Variants in TTC7A observed in about 807,000 individuals in gnomAD.
The protein encoded by TTC7A is tetratricopeptide repeat protein 7A.
In TTC7A, 110 loss-of-function variants were observed where a neutral mutation model predicts 103.7. The observed-to-expected ratio is 1.06, with a 90% CI of 0.91 to 1.24. The LOEUF is 1.24. TTC7A is among the 50% of genes most tolerant of loss of function. The pLI, the probability that TTC7A is intolerant of heterozygous loss-of-function variation, is 0.00. For synonymous variants in TTC7A, 521 were observed against 467.9 expected, an observed-to-expected ratio of 1.11 and a Z score of -1.47; for missense variants, 1,340 against 1,116.3, an observed-to-expected ratio of 1.20 and a Z score of -2.86.
At chr2:47,056,287 A>G (rs1257100892) in intron 18 of TTC7A, among the ~76,000 whole-genome samples, 3 of 152,242 alleles carry the variant, frequency 2.0e-5, no homozygotes, top group Non-Finnish European at 4.4e-5. Flanking sequence ...TGGGTCACCC[A>G]AATGGCCCCC....
intron 2 of TTC7A, among the ~76,000 whole-genome samples, chr2:46,925,154 C>G (rs1669321629): frequency 1.3e-5 from 2 of 152,152 alleles, no homozygotes; most frequent in South Asian, 4.1e-4. Context: ...GGTTGTCTGG[C>G]TATGTTCCCC....
chr2:46,977,600 C>G (rs999408281), intron 4 of TTC7A, among the ~76,000 whole-genome samples: 3 of 152,120 alleles, frequency 2.0e-5, no homozygotes, highest in Non-Finnish European at 4.4e-5. Context: ...CAGTACGGTG[C>G]CTGGCATATA....
intron 2 of TTC7A, among the ~76,000 whole-genome samples, chr2:46,917,723 C>T (rs6758093): frequency 0.13 from 19,057 of 152,174 alleles, 1,731 homozygotes; most frequent in African/African-American, 0.25. Context: ...CACCATACCA[C>T]TGAAACTGCA....
intron 3 of TTC7A, among the ~76,000 whole-genome samples, chr2:46,970,510 G>A (rs1040461702): frequency 2.0e-5 from 3 of 152,358 alleles, no homozygotes; most frequent in East Asian, 1.9e-4. Context: ...TGCTGGACCC[G>A]GAGGTGTGGC....
At chr2:47,031,201 G>A (rs1377216434) in intron 15 of TTC7A, among the ~76,000 whole-genome samples, 2 of 151,862 alleles carry the variant, frequency 1.3e-5, no homozygotes, top group African/African-American at 4.8e-5. Context: ...CCGCAAAGGC[G>A]AGTAGCTTAG....
At chr2:47,032,725 C>T (rs1172732156) in intron 15 of TTC7A, among the ~76,000 whole-genome samples, 2 of 151,754 alleles carry the variant, frequency 1.3e-5, no homozygotes, top group Non-Finnish European at 2.9e-5. Flanking sequence ...ACCATGAGCT[C>T]CTCACCTCCA....
At chr2:46,919,381 A>G (rs920994705) in intron 2 of TTC7A, among the ~76,000 whole-genome samples, 1 of 152,142 alleles carries the variant, frequency 6.6e-6, no homozygotes, top group Non-Finnish European at 1.5e-5. Context: ...TAAAAATACA[A>G]AATTAGCTGG....
chr2:46,930,790 G>A (rs150117757), intron 2 of TTC7A, among the ~76,000 whole-genome samples: 241 of 152,182 alleles, frequency 1.6e-3, no homozygotes, highest in African/African-American at 5.4e-3. Context: ...GTGAGCCACC[G>A]CACCCAGCCT....
intron 3 of TTC7A, among the ~76,000 whole-genome samples, chr2:46,966,108 C>G (rs1351965374): frequency 6.6e-6 from 1 of 152,066 alleles, no homozygotes; most frequent in Non-Finnish European, 1.5e-5. Context: ...CGCCACCACG[C>G]CTGGCTAATT....
Position 47,028,781 on chromosome 2 carries a change from C to T in TTC7A, c.1642-443C>T, listed in dbSNP as rs78439682. Among the ~76,000 whole-genome samples, 1,365 of 152,340 alleles carry T rather than the reference C, an allele frequency of 9.0e-3. 50 individuals carry two copies. Among genetic ancestry groups the T allele is most frequent in the East Asian group, 0.064 (333 of 5,186 alleles). ...CTGTGCCCACATTAGAGGCCAGTCT[C>T]CCCATCTTCTAGGCACTTGCCTCTG... is the stretch of plus-strand genomic sequence containing the variant. On this transcript the variant is annotated intron_variant, in intron 14 of 19. Transcript: ENST00000319190.
intron 8 of TTC7A, chr2:46,999,740 C>A: frequency 2.0e-6 from 2 of 985,456 alleles, no homozygotes; most frequent in South Asian, 4.7e-5. Context: ...ATACAGGAAT[C>A]TTTCTTATTT....
intron 5 of TTC7A, 65 bp downstream of exon 5, chr2:46,978,972 C>A: frequency 8.8e-7 from 1 of 1,141,500 alleles, no homozygotes; most frequent in Non-Finnish European, 1.3e-6. Flanking sequence ...TTGACGTGGC[C>A]TTAAGGCTGC....
At chr2:47,012,696 C>T (rs187549632) in intron 11 of TTC7A, among the ~76,000 whole-genome samples, 1 of 152,340 alleles carries the variant, frequency 6.6e-6, no homozygotes. Context: ...GAAACTGGCC[C>T]CATCCCTCTG....
chr2:47,042,702 G>GTGTGTGTGTGTATATATA (rs111460716), intron 15 of TTC7A, among the ~76,000 whole-genome samples: 1 of 142,636 alleles, frequency 7.0e-6, no homozygotes, highest in Non-Finnish European at 1.5e-5. Context: ...GTGTGTGTGT[G>GTGTGTGTGTGTATATATA]TATATATATG....
chr2:46,944,374 G>GTTTTTTTTT (rs34191565), intron 1 of TTC7A, among the ~76,000 whole-genome samples: 17 of 88,958 alleles, frequency 1.9e-4, no homozygotes, highest in African/African-American at 5.4e-4. Flanking sequence ...GGTATTTTGG[G>GTTTTTTTTT]TTTTTTTTTT....
intron 5 of TTC7A, among the ~76,000 whole-genome samples, chr2:46,991,445 G>A (rs935896224): frequency 1.3e-5 from 2 of 152,008 alleles, no homozygotes; most frequent in African/African-American, 4.8e-5. Flanking sequence ...ACCAGGCTGG[G>A]CAACATAGCA....
chr2:46,959,042 A>G (rs1389173423), intron 3 of TTC7A, among the ~76,000 whole-genome samples: 3 of 152,180 alleles, frequency 2.0e-5, no homozygotes, highest in Non-Finnish European at 4.4e-5. Flanking sequence ...GGTTGGAAGA[A>G]GTGAGGTGAC....
rs17480869 is a variant in TTC7A at position 46,993,483 on chromosome 2, G to A, written c.798G>A (p.Glu266=). 260,739 of 1,613,748 alleles carry A rather than the reference G, an allele frequency of 0.16. 22,399 individuals are homozygous for A. The highest frequency in any genetic ancestry group is 0.22 in the Middle Eastern group (1,323 of 6,056). The change falls in exon 6 of 20, where the codon GAG becomes GAA. Residue 266 remains glutamate, a synonymous_variant. Transcript: ENST00000319190. ...NIVKGMRELR[E]VLRTVETKAT... ...TGAAGGGCATGAGAGAGCTCCGGGA[G>A]GTGCTGCGGACTGTGGAGACCAAAG...
intron 1 of TTC7A, among the ~76,000 whole-genome samples, chr2:46,949,662 T>G (rs1329211266): frequency 6.6e-6 from 1 of 152,216 alleles, no homozygotes; most frequent in African/African-American, 2.4e-5. Context: ...GGATTTGCCT[T>G]GGCAACAAGT....
Sources: allele counts gnomAD v4.1 joint callset (sites outside exome capture counted in the v4.1 genomes callset), GRCh38; gene constraint gnomAD v4.1.1; transcripts MANE v1.5; gene names NCBI Gene and HGNC (gene_info 2026-07-23, HGNC 2026-07-21).